PMFBP1: variants seen among roughly 807,000 people sequenced by gnomAD.
PMFBP1 encodes the protein polyamine-modulated factor 1-binding protein 1.
A neutral mutation model predicts 137.8 loss-of-function variants in PMFBP1; 131 were observed. That is an observed-to-expected ratio of 0.95 (90% CI 0.82 to 1.10). PMFBP1 has a LOEUF of 1.10. Among genes scored for constraint, PMFBP1 ranks in the 50% least tolerant of loss-of-function variants. The pLI is 0.00. For missense variants in PMFBP1, 1,199 were observed against 1,175.4 expected (o/e 1.02, Z -0.29); for synonymous variants, 490 against 450.4 (o/e 1.09, Z -1.11).
At chr16:72,200,064 C>A in the PMFBP1 span, among the ~76,000 whole-genome samples, 7 of 152,252 alleles carry the variant, frequency 4.6e-5, no homozygotes, top group Non-Finnish European at 8.8e-5. Flanking sequence ...AACTACATGG[C>A]AAGCTGTTGG....
At chr16:72,182,036 G>T in the PMFBP1 span, among the ~76,000 whole-genome samples, 1 of 152,194 alleles carries the variant, frequency 6.6e-6, no homozygotes, top group Non-Finnish European at 1.5e-5. Context: ...GGCCACATTC[G>T]GAGCTGTCTT....
chr16:72,169,148 C>G (rs1300680764), intron 2 of PMFBP1, among the ~76,000 whole-genome samples: 3 of 152,156 alleles, frequency 2.0e-5, no homozygotes, highest in African/African-American at 7.2e-5. Flanking sequence ...AGGTCATCAT[C>G]TTTGGGATAT....
At chr16:72,232,522 A>T in the PMFBP1 span, among the ~76,000 whole-genome samples, 1 of 152,166 alleles carries the variant, frequency 6.6e-6, no homozygotes, top group African/African-American at 2.4e-5. Context: ...TACCACTTAA[A>T]ATCTTGTTTA....
At chr16:72,228,043 A>C in the PMFBP1 span, among the ~76,000 whole-genome samples, 1 of 152,104 alleles carries the variant, frequency 6.6e-6, no homozygotes, top group African/African-American at 2.4e-5. Context: ...CTGTGCTTGA[A>C]ATCTGTAGCT....
chr16:72,120,356 G>T (rs2042359294), intron 19 of PMFBP1, among the ~76,000 whole-genome samples: 1 of 152,190 alleles, frequency 6.6e-6, no homozygotes, highest in African/African-American at 2.4e-5. Flanking sequence ...CTGTCAGACG[G>T]GGACAGTCAG....
chr16:72,211,781 G>C, the PMFBP1 span, among the ~76,000 whole-genome samples: 2 of 152,116 alleles, frequency 1.3e-5, no homozygotes, highest in Non-Finnish European at 2.9e-5. Flanking sequence ...GACTGCTTGA[G>C]CTCAGGAGTT....
chr16:72,128,115 A>C (rs2042489230), intron 14 of PMFBP1, among the ~76,000 whole-genome samples: 1 of 152,222 alleles, frequency 6.6e-6, no homozygotes, highest in African/African-American at 2.4e-5. Flanking sequence ...TTGGCCCTCC[A>C]TCTTTCTTTC....
intron 3 of PMFBP1, among the ~76,000 whole-genome samples, chr16:72,159,488 C>A (rs773006265): frequency 3.9e-5 from 6 of 152,140 alleles, no homozygotes; most frequent in Admixed American, 1.3e-4. Flanking sequence ...AAATATAGCA[C>A]CCAACCTAAT....
At position 72,136,684 on chromosome 16, in the gene PMFBP1, C is replaced by T. The variant is rs115391358; in HGVS notation, c.1045+9G>A. ...GGCTCCCCTGCCACAGCCTGCAGCCCCAGTTTACCCTTCATGATGTTTCTC... is the reference window on the plus strand; with the variant it reads ...GGCTCCCCTGCCACAGCCTGCAGCCTCAGTTTACCCTTCATGATGTTTCTC... On this transcript the variant is annotated intron_variant, in intron 8 of 20. Transcript: ENST00000237353. The T allele has an allele frequency of 1.9e-4, 303 of 1,614,088 alleles. No homozygotes were observed. In the African/African-American group the frequency reaches 3.7e-3, roughly 20 times the overall value.
chr16:72,199,217 C>T, the PMFBP1 span, among the ~76,000 whole-genome samples: 1 of 152,202 alleles, frequency 6.6e-6, no homozygotes, highest in Admixed American at 6.5e-5. Context: ...CCGTGGCTGA[C>T]AGCCTTTGCA....
intron 5 of PMFBP1, among the ~76,000 whole-genome samples, chr16:72,147,473 T>A (rs1297027835): frequency 6.6e-6 from 1 of 152,150 alleles, no homozygotes; most frequent in East Asian, 1.9e-4. Context: ...GGCAAAGACT[T>A]CATGACTAAA....
chr16:72,185,832 T>G, the PMFBP1 span, among the ~76,000 whole-genome samples: 2 of 152,202 alleles, frequency 1.3e-5, no homozygotes, highest in Non-Finnish European at 2.9e-5. Context: ...TGGAATATTT[T>G]CAGTCCACAT....
intron 4 of PMFBP1, among the ~76,000 whole-genome samples, chr16:72,151,220 G>T (rs2042898144): frequency 6.6e-6 from 1 of 152,204 alleles, no homozygotes. Flanking sequence ...AGAAAATGCA[G>T]ACTTCCTCCT....
chr16:72,164,646 G>A, intron 3 of PMFBP1, 118 bp downstream of exon 3: 1 of 1,345,840 alleles, frequency 7.4e-7, no homozygotes, highest in Non-Finnish European at 1.0e-6. Context: ...CTCTCTCATT[G>A]CTTGCTTAAT....
intron 18 of PMFBP1, 112 bp from the exon 19 acceptor site, chr16:72,123,100 A>G: frequency 2.1e-6 from 2 of 936,832 alleles, no homozygotes; most frequent in South Asian, 3.0e-5. Flanking sequence ...GCTGCATCCC[A>G]CGTCCCCCAC....
the PMFBP1 span, among the ~76,000 whole-genome samples, chr16:72,213,521 A>G: frequency 8.5e-5 from 13 of 152,294 alleles, no homozygotes; most frequent in African/African-American, 3.1e-4. Flanking sequence ...AATCCTGCCA[A>G]CAATCACTGG....
intron 5 of PMFBP1, among the ~76,000 whole-genome samples, chr16:72,140,906 T>C (rs1021092211): frequency 2.0e-5 from 3 of 151,466 alleles, no homozygotes; most frequent in Non-Finnish European, 4.4e-5. Flanking sequence ...TAAAAATCAC[T>C]TTTTTTCTTA....
At chr16:72,193,981 G>T in the PMFBP1 span, among the ~76,000 whole-genome samples, 40 of 144,560 alleles carry the variant, frequency 2.8e-4, no homozygotes, top group Admixed American at 1.9e-3. Flanking sequence ...TATCAAGGCT[G>T]CTTTTTTTTT....
chr16:72,241,142 G>A, the PMFBP1 span, among the ~76,000 whole-genome samples: 66 of 152,244 alleles, frequency 4.3e-4, no homozygotes, highest in Middle Eastern at 6.8e-3. Context: ...AGCACTCTCA[G>A]AAATGGCTCT....
Sources: allele counts gnomAD v4.1 joint callset (sites outside exome capture counted in the v4.1 genomes callset), GRCh38; gene constraint gnomAD v4.1.1; transcripts MANE v1.5; gene names NCBI Gene and HGNC (gene_info 2026-07-23, HGNC 2026-07-21).